Variants in LMTK3 observed in about 807,000 individuals in gnomAD.
The protein encoded by LMTK3 is serine/threonine-protein kinase LMTK3.
In LMTK3, 27 loss-of-function variants were observed where a neutral mutation model predicts 116.7. The observed-to-expected ratio is 0.23, with a 90% CI of 0.17 to 0.32. LMTK3 has a LOEUF of 0.32. LMTK3 is among the 10% of genes least tolerant of loss of function. LMTK3 has a pLI of 1.00. For synonymous variants in LMTK3, 965 were observed against 971.0 expected (o/e 0.99, Z 0.11); for missense variants, 1,764 against 2,068.5 (o/e 0.85, Z 2.86).
chr19:48,486,598 C>T (rs1972128996), intron 14 of LMTK3, among the ~76,000 whole-genome samples: 1 of 152,012 alleles, frequency 6.6e-6, no homozygotes, highest in Non-Finnish European at 1.5e-5. Context: ...AGTGCAGTGG[C>T]ATGATCTCAG....
At chr19:48,488,315 C>G (rs192157961) in intron 14 of LMTK3, among the ~76,000 whole-genome samples, 12 of 152,238 alleles carry the variant, frequency 7.9e-5, no homozygotes, top group Non-Finnish European at 1.6e-4. Flanking sequence ...CCTGTCCCAC[C>G]TGCCCTTGAC....
At chr19:48,489,745 G>C (rs1972189753) in intron 14 of LMTK3, among the ~76,000 whole-genome samples, 1 of 152,198 alleles carries the variant, frequency 6.6e-6, no homozygotes, top group Admixed American at 6.5e-5. Context: ...GCACAGAGAG[G>C]GAAAGCGACT....
upstream of LMTK3, chr19:48,513,310 CCT>C: frequency 1.3e-6 from 1 of 744,614 alleles, no homozygotes; most frequent in Non-Finnish European, 2.4e-6. The surrounding 1 kb of genome is among the most constrained non-coding windows in gnomAD (Gnocchi z 5.6). Flanking sequence ...TCACAACCGC[CCT>C]CTGAGACAGG....
Position 48,491,231 on chromosome 19 carries a change from A to T in LMTK3, c.4243T>A (p.Trp1415Arg). The T allele has an allele frequency of 7.1e-7, 1 of 1,408,514 alleles. No individual in the cohort carries two copies. The highest frequency in any genetic ancestry group is 9.3e-7 in the Non-Finnish European group (1 of 1,078,426). The allele number at this position is 1,408,514 out of a possible 1,614,324, so 87.3% of individuals were successfully genotyped here. ...GGGAGGAGGGGGAAATCCTCCGCCC[A>T]CTCGAAACTGCCTCCTGCGGCAGAA... ...NDSGFGGSFE[W>R]AEDFPLLPPP... Residue 1415 changes from tryptophan to arginine, a missense_variant, in exon 14 of 15, where the codon TGG becomes AGG. Physicochemically the swap from Trp to Arg is moderately radical, Grantham distance 101 (BLOSUM62 -3). Around this residue, in one of 7 missense-constraint regions of LMTK3, gnomAD observed 281 missense variants for 301.4 expected, o/e 0.93. Transcript: ENST00000600059. This position sits in a 1 kb window ranked among gnomAD's most constrained non-coding sequence, Gnocchi z 5.1.
chr19:48,495,914 A>G (rs1972314608), intron 11 of LMTK3, among the ~76,000 whole-genome samples: 1 of 152,098 alleles, frequency 6.6e-6, no homozygotes, highest in Non-Finnish European at 1.5e-5. Context: ...TCCTACCAAA[A>G]CTTAATTTTC....
chr19:48,510,710 T>TC (rs1301117399), intron 1 of LMTK3, 118 bp from the exon 2 acceptor site: 2 of 1,237,850 alleles, frequency 1.6e-6, no homozygotes, highest in African/African-American at 3.1e-5. Flanking sequence ...GCGACCAGGG[T>TC]CCCTTGGCAG....
chr19:48,498,222 CA>C lies in LMTK3; in HGVS notation c.2846del (p.Leu949ArgfsTer16). 6.2e-7 allele frequency: 1 copy of C among 1,613,416 alleles called. No homozygotes were observed. Reference sequence around the variant, plus strand: ...CTTTCTCTTCTCTCTCGGGGGACCCCAGGGCCCCATTCTCCGCCGCCTTCTC... The same window carrying C: ...CTTTCTCTTCTCTCTCGGGGGACCCCGGGCCCCATTCTCCGCCGCCTTCTC... Reference protein sequence around the residue: ...IEEKAAENGALGSPEREEKVL... With the variant: ...IEEKAAENGAXGSPEREEKVL... On this transcript the variant is annotated frameshift_variant, in exon 11 of 15. Transcript: ENST00000600059. LOFTEE classifies it high-confidence loss of function.
At chr19:48,502,382 C>T in intron 7 of LMTK3, 51 bp downstream of exon 7, 1 of 1,582,474 alleles carries the variant, frequency 6.3e-7, no homozygotes, top group Non-Finnish European at 8.6e-7. Flanking sequence ...GGCCTCACCT[C>T]CTTCCCCCTT....
Position 48,500,176 on chromosome 19 carries a change from A to C in LMTK3, c.1152-259T>G, listed in dbSNP as rs1319884393. Among the ~76,000 whole-genome samples the C allele has an allele frequency of 6.6e-6, 1 of 151,420 alleles. No individual in the cohort carries two copies. The highest frequency in any genetic ancestry group is 1.5e-5 in the Non-Finnish European group (1 of 67,932). On this transcript the variant is annotated intron_variant, in intron 10 of 14. Coordinates refer to ENST00000600059, the MANE Select transcript of LMTK3 (RefSeq NM_001388485.1). The surrounding 1 kb of genome is among the most constrained non-coding windows in gnomAD (Gnocchi z 4.0). ...GGTGGCTCACGCCTGTAATCCCAGCACTTTGGGAGGCTGAGGCCGGTGGAT... is the reference window on the plus strand; with the variant it reads ...GGTGGCTCACGCCTGTAATCCCAGCCCTTTGGGAGGCTGAGGCCGGTGGAT...
At chr19:48,496,852 T>A (rs1480446855) in intron 11 of LMTK3, among the ~76,000 whole-genome samples, 1 of 152,188 alleles carries the variant, frequency 6.6e-6, no homozygotes, top group Admixed American at 6.5e-5. Flanking sequence ...ACAAAAGAAA[T>A]AAAAACCAGA....
chr19:48,504,349 T>C (rs1203069356), intron 5 of LMTK3, among the ~76,000 whole-genome samples: 1 of 152,146 alleles, frequency 6.6e-6, no homozygotes, highest in Admixed American at 6.5e-5. Flanking sequence ...GTTTGAACCC[T>C]GACTCCCACT....
chr19:48,502,488 C>T lies in LMTK3; in HGVS notation c.739G>A (p.Gly247Ser), dbSNP rs766513266. 6.2e-7 allele frequency: 1 copy of T among 1,611,414 alleles called. No individual in the cohort carries two copies. The highest frequency in any genetic ancestry group is 8.5e-7 in the Non-Finnish European group (1 of 1,179,178). ...PRDLRTLQRM[G>S]LEIARGLAHL... is the part of the protein sequence containing the mutation. The stretch of plus-strand genomic sequence containing the variant: ...GCCAGCCCGCGGGCGATCTCCAGGC[C>T]CATCCTCTGCAGCGTCCGCAGGTCT... The change falls in exon 7 of 15, where the codon GGC becomes AGC. Residue 247 changes from glycine (G) to serine (S), a missense_variant. By Grantham distance (56) the Gly-to-Ser change is moderately conservative. This residue lies in a region of LMTK3 where 271 missense variants were observed against 478.2 expected (regional missense o/e 0.57). Transcript: ENST00000600059.
At position 48,508,927 on chromosome 19, in the gene LMTK3, C is replaced by G. The variant is rs1272668800; in HGVS notation, c.481G>C (p.Val161Leu). 1 of 1,613,206 alleles carries G rather than the reference C, an allele frequency of 6.2e-7. No homozygotes were observed. The highest frequency in any genetic ancestry group is 8.5e-7 in the Non-Finnish European group (1 of 1,179,504). ...CTGGCTCGGAGCTCCTTCACCACCA[C>G]CTGGGCGGGGGTGTAGTCGGAGAAA... Reference protein sequence around the residue: ...EIFSDYTPAQVVVKELRASAG... With the variant: ...EIFSDYTPAQLVVKELRASAG... Residue 161 changes from valine to leucine, a missense_variant, in exon 5 of 15, where the codon GTG becomes CTG. Coordinates refer to ENST00000600059, the MANE Select transcript of LMTK3 (RefSeq NM_001388485.1).
chr19:48,506,727 T>C (rs1358857042), intron 5 of LMTK3, among the ~76,000 whole-genome samples: 1 of 152,146 alleles, frequency 6.6e-6, no homozygotes, highest in South Asian at 2.1e-4. Flanking sequence ...TACAGTGGTG[T>C]GATCTTGGCT....
At position 48,498,807 on chromosome 19, in the gene LMTK3, G is replaced by T. The variant is rs531938361; in HGVS notation, c.2262C>A (p.Pro754=). 37 of 1,232,414 alleles carry T rather than the reference G, an allele frequency of 3.0e-5. No individual in the cohort carries two copies. The highest frequency in any genetic ancestry group is 2.8e-4 in the East Asian group (9 of 31,910). The allele number at this position is 1,232,414 out of a possible 1,614,324, so 76.3% of individuals were successfully genotyped here. ...GGGCCCGAGGAGGTGGCGGCGGGGG[G>T]GGGGGAGCGGGAGGTGGCCCCCGCC... is the stretch of plus-strand genomic sequence containing the variant. ...YPGRGPPPAP[P]PPPPPPRAPA... is the part of the protein sequence containing the mutation. The change falls in exon 11 of 15, where the codon CCC becomes CCA. Residue 754 remains proline (P), a synonymous_variant. Coordinates refer to ENST00000600059, the MANE Select transcript of LMTK3 (RefSeq NM_001388485.1).
chr19:48,498,294 C>G lies in LMTK3; in HGVS notation c.2775G>C (p.Gly925=), dbSNP rs1176901605. The G allele has an allele frequency of 6.2e-7, 1 of 1,613,298 alleles. No individual in the cohort carries two copies. Among genetic ancestry groups the G allele is most frequent in the South Asian group, 1.1e-5 (1 of 91,060 alleles). Residue 925 remains glycine, a synonymous_variant, in exon 11 of 15, where the codon GGG becomes GGC. Transcript: ENST00000600059. ...QAPSLSLPVN[G]VTVLENGDQR... is the part of the protein sequence containing the mutation. ...GGTCCCCGTTCTCCAGCACTGTCAC[C>G]CCGTTCACTGGGAGGCTCAGGCTTG...
rs1972296371 is a variant in LMTK3, at chr19:48,494,744, G to A, written c.3677-635C>T. Among the ~76,000 whole-genome samples, 1 of 152,206 alleles carries A rather than the reference G, an allele frequency of 6.6e-6. No homozygotes were observed. The highest frequency in any genetic ancestry group is 2.4e-5 in the African/African-American group (1 of 41,448). On this transcript the variant is annotated intron_variant, in intron 11 of 14. Coordinates refer to ENST00000600059, the MANE Select transcript of LMTK3 (RefSeq NM_001388485.1). This position sits in a 1 kb window ranked among gnomAD's most constrained non-coding sequence, Gnocchi z 4.0. ...TGAGCTGATGGCAGGGGCAAGAGGA[G>A]GGTGGAGGTGGGGCAGGGAGAAAGA...
chr19:48,511,043 G>T (rs1041019167), intron 1 of LMTK3, among the ~76,000 whole-genome samples: 6 of 152,188 alleles, frequency 3.9e-5, no homozygotes, highest in African/African-American at 1.4e-4. Context: ...TTGTGGGGTT[G>T]AGATCTGTCT....
intron 1 of LMTK3, 146 bp downstream of exon 1, chr19:48,511,355 C>G (rs1458936465): frequency 9.6e-6 from 4 of 416,930 alleles, no homozygotes; most frequent in African/African-American, 2.1e-5. Context: ...ACAGAGGCAC[C>G]GTCCCCGCCG....
Sources: allele counts gnomAD v4.1 joint callset (sites outside exome capture counted in the v4.1 genomes callset), GRCh38; gene constraint gnomAD v4.1.1; regional missense constraint gnomAD v4.1.1; non-coding constraint Gnocchi (gnomAD v3.1); transcripts MANE v1.5; gene names NCBI Gene and HGNC (gene_info 2026-07-23, HGNC 2026-07-21).